Variants in OPA3 observed in about 807,000 individuals in gnomAD.
OPA3 encodes the protein optic atrophy 3 protein.
OPA3 carries 6 observed loss-of-function variants against 4.0 expected under a neutral mutation model. The ratio of observed to expected loss-of-function variants is 1.51; its 90% CI spans 0.83 to 2.99. OPA3 has a LOEUF of 2.99. Ranked by LOEUF, OPA3 falls within the 30% of genes most tolerant of loss-of-function variation. The pLI is 0.00. For synonymous variants in OPA3, 105 were observed against 117.1 expected (o/e 0.90, Z 0.67); for missense variants, 235 against 256.2 (o/e 0.92, Z 0.56).
chr19:45,574,396 C>CAAA (rs779877314), intron 1 of OPA3, among the ~76,000 whole-genome samples: 14 of 72,504 alleles, frequency 1.9e-4, no homozygotes, highest in Non-Finnish European at 3.3e-4. Flanking sequence ...GACTCTGTCT[C>CAAA]AAAAAAAAAA....
chr19:45,532,225 AGAAG>A (rs1969068119), intron 1 of OPA3, among the ~76,000 whole-genome samples: 3 of 152,188 alleles, frequency 2.0e-5, no homozygotes, highest in Admixed American at 1.3e-4. Context: ...CATTGCTGGG[AGAAG>A]TTAGTGCTGT....
Position 45,550,156 on chromosome 19 carries a change from G to GAAAGA in OPA3, c.*3353_*3357dup, listed in dbSNP as rs373580645. On this transcript the variant is annotated 3_prime_UTR_variant, in exon 2 of 2. Transcript: ENST00000263275. ...AGGGTGACGGAGCTAGACTGTCTCC[G>GAAAGA]AAAGAAAAGAAAAGAAAAAAGAAGA... 1 of 965,616 alleles carries GAAAGA rather than the reference G, an allele frequency of 1.0e-6. No individual in the cohort carries two copies. Among genetic ancestry groups the GAAAGA allele is most frequent in the Non-Finnish European group, 1.2e-6 (1 of 812,014 alleles). The allele number at this position is 965,616 out of a possible 1,614,324, so 59.8% of individuals were successfully genotyped here.
At position 45,548,626 on chromosome 19, in the gene OPA3, G is replaced by A; in HGVS notation, c.*4888C>T. 1.0e-6 allele frequency: 1 copy of A among 984,584 alleles called. No individual in the cohort carries two copies. The highest frequency in any genetic ancestry group is 1.8e-5 in the African/African-American group (1 of 57,058). The allele number at this position is 984,584 out of a possible 1,614,324, so 61.0% of individuals were successfully genotyped here. A position where few individuals can be genotyped will look rare whatever the true frequency, so the allele number is the denominator to read the frequency against. On this transcript the variant is annotated 3_prime_UTR_variant, in exon 2 of 2. Transcript: ENST00000263275. Reference sequence around the variant, plus strand: ...CCCAGCATAGGGTGGGGCAGAGAGTGGGTAACTCAGTGAGTTTTGTGTTTT... The same window carrying A: ...CCCAGCATAGGGTGGGGCAGAGAGTAGGTAACTCAGTGAGTTTTGTGTTTT...
intron 1 of OPA3, among the ~76,000 whole-genome samples, chr19:45,575,213 C>G (rs1969748752): frequency 6.6e-6 from 1 of 151,992 alleles, no homozygotes; most frequent in East Asian, 1.9e-4. Flanking sequence ...AGCGATTCTC[C>G]TGCCTCAGCC....
chr19:45,556,975 C>T (rs1398781545), intron 1 of OPA3, among the ~76,000 whole-genome samples: 1 of 152,240 alleles, frequency 6.6e-6, no homozygotes, highest in African/African-American at 2.4e-5. Context: ...GGAAGGACAG[C>T]ATCATCCTGA....
chr19:45,542,238 G>T (rs531879123), downstream of OPA3, among the ~76,000 whole-genome samples: 50 of 148,922 alleles, frequency 3.4e-4, no homozygotes, highest in Non-Finnish European at 7.0e-4. Context: ...TGGCAGAGCT[G>T]CAACAGCCTG....
chr19:45,530,757 C>T (rs547161234), intron 1 of OPA3, among the ~76,000 whole-genome samples: 5 of 151,174 alleles, frequency 3.3e-5, no homozygotes, highest in Non-Finnish European at 7.4e-5. Context: ...CCATGCCCAG[C>T]CTTTATTTAT....
chr19:45,528,168 C>T (rs1293488615), exon 2 of OPA3: 1 of 152,472 alleles, frequency 6.6e-6, no homozygotes, highest in African/African-American at 2.4e-5. Flanking sequence ...GCAGTAGGTC[C>T]AGGACTGGGG....
At chr19:45,569,731 T>C (rs992276723) in intron 1 of OPA3, among the ~76,000 whole-genome samples, 1 of 151,820 alleles carries the variant, frequency 6.6e-6, no homozygotes, top group Non-Finnish European at 1.5e-5. Context: ...CGCCCCTCCA[T>C]ACACACACGC....
chr19:45,580,924 C>G (rs2122520153), intron 1 of OPA3, among the ~76,000 whole-genome samples: 2 of 152,216 alleles, frequency 1.3e-5, no homozygotes, highest in South Asian at 4.1e-4. Context: ...CTCCAGAAGC[C>G]ATTTTCTAAA....
chr19:45,541,729 G>A (rs1395300713), downstream of OPA3, among the ~76,000 whole-genome samples: 1 of 151,694 alleles, frequency 6.6e-6, no homozygotes, highest in East Asian at 1.9e-4. Context: ...CACACCTGGC[G>A]CATTTTAAAA....
chr19:45,544,727 G>C (rs1969225476), downstream of OPA3, among the ~76,000 whole-genome samples: 1 of 152,010 alleles, frequency 6.6e-6, no homozygotes, highest in African/African-American at 2.4e-5. Flanking sequence ...CCGGGAGGTG[G>C]AGGTTGCAGT....
At chr19:45,529,593 T>A in intron 1 of OPA3, 1 of 1,052,840 alleles carries the variant, frequency 9.5e-7, no homozygotes, top group Non-Finnish European at 1.4e-6. Context: ...GGGGACGCCT[T>A]AACGAAGACA....
intron 1 of OPA3, among the ~76,000 whole-genome samples, chr19:45,536,821 G>C (rs896584006): frequency 5.9e-5 from 9 of 152,048 alleles, no homozygotes; most frequent in Admixed American, 5.9e-4. Context: ...TGGATCACTT[G>C]AATATTCACA....
At chr19:45,577,488 A>G (rs901111781) in intron 1 of OPA3, among the ~76,000 whole-genome samples, 15 of 152,326 alleles carry the variant, frequency 9.8e-5, no homozygotes, top group Non-Finnish European at 1.3e-4. Context: ...GTACATTGCA[A>G]TATCTGGTAG....
chr19:45,568,047 G>A (rs1163726933), intron 1 of OPA3, among the ~76,000 whole-genome samples: 1 of 152,098 alleles, frequency 6.6e-6, no homozygotes, highest in Admixed American at 6.6e-5. Flanking sequence ...CACACAAGCT[G>A]GAGTGCACTG....
chr19:45,574,160 G>A (rs1292342891), intron 1 of OPA3, among the ~76,000 whole-genome samples: 1 of 151,062 alleles, frequency 6.6e-6, no homozygotes, highest in Admixed American at 6.6e-5. Context: ...TTGGGAGGCT[G>A]AGGCGGGCGG....
At chr19:45,532,011 G>A (rs1229934200) in intron 1 of OPA3, among the ~76,000 whole-genome samples, 2 of 152,116 alleles carry the variant, frequency 1.3e-5, no homozygotes, top group Non-Finnish European at 2.9e-5. Context: ...TGGGGCCTTG[G>A]GCCACACCAT....
chr19:45,557,701 C>T (rs1969441994), intron 1 of OPA3, among the ~76,000 whole-genome samples: 3 of 152,200 alleles, frequency 2.0e-5, no homozygotes, highest in African/African-American at 7.2e-5. Context: ...CTCTGACCAA[C>T]GTTCTCCTCC....
Sources: allele counts gnomAD v4.1 joint callset (sites outside exome capture counted in the v4.1 genomes callset), GRCh38; gene constraint gnomAD v4.1.1; transcripts MANE v1.5; gene names NCBI Gene and HGNC (gene_info 2026-07-23, HGNC 2026-07-21).